The following BPNT2 variants were observed in gnomAD, a reference collection of about 807,000 sequenced individuals.
The protein encoded by BPNT2 is 3'(2'), 5'-bisphosphate nucleotidase 2, also known as Golgi-resident adenosine 3',5'-bisphosphate 3'-phosphatase.
Under a neutral mutation model 29.3 loss-of-function variants are expected in BPNT2, and 11 were observed. The ratio of observed to expected loss-of-function variants is 0.38; its 90% CI spans 0.24 to 0.62. The LOEUF is 0.62. BPNT2 is among the 20% of genes least tolerant of loss of function. The pLI, the probability that BPNT2 is intolerant of heterozygous loss-of-function variation, is 0.62. For synonymous variants in BPNT2, 195 were observed against 187.7 expected, an observed-to-expected ratio of 1.04 and a Z score of -0.32; for missense variants, 459 against 473.4, an observed-to-expected ratio of 0.97 and a Z score of 0.28.
chr8:56,966,360 G>A lies in BPNT2; in HGVS notation c.647-8C>T. On this transcript the variant is annotated splice_region_variant and splice_polypyrimidine_tract_variant and intron_variant, in intron 3 of 4. Transcript: ENST00000262644. ...CATCTACCATTGCCCAAGCTGAAAA[G>A]CAAATATAATATCCATTAATGGCAC... 6.2e-7 allele frequency: 1 copy of A among 1,612,416 alleles called. No individual in the cohort carries two copies. Among genetic ancestry groups the A allele is most frequent in the East Asian group, 2.2e-5 (1 of 44,856 alleles).
chr8:56,978,522 C>T (rs1012238910), intron 2 of BPNT2, among the ~76,000 whole-genome samples: 19 of 152,160 alleles, frequency 1.2e-4, no homozygotes, highest in African/African-American at 3.1e-4. Context: ...AAATACTATT[C>T]GACCCAGCAT....
chr8:56,963,903 T>G lies in BPNT2; in HGVS notation c.970A>C (p.Ser324Arg). The G allele has an allele frequency of 6.2e-7, 1 of 1,614,180 alleles. No individual in the cohort carries two copies. The highest frequency in any genetic ancestry group is 8.5e-7 in the Non-Finnish European group (1 of 1,180,030). The change falls in exon 5 of 5, where the codon AGT (serine) becomes CGT (arginine). Residue 324 changes from serine (S) to arginine (R), a missense_variant. By Grantham distance (110) the Ser-to-Arg change is moderately radical (BLOSUM62 -1). Transcript: ENST00000262644. Reference sequence around the variant, plus strand: ...TCAATGCCGTCTGAACCAGTGTAACTGATTTCTTCACCACTCAGGGTAGTC... The same window carrying G: ...TCAATGCCGTCTGAACCAGTGTAACGGATTTCTTCACCACTCAGGGTAGTC... The part of the protein sequence containing the change: ...HMTTLSGEEI[S>R]YTGSDGIEGG...
intron 3 of BPNT2, among the ~76,000 whole-genome samples, chr8:56,972,367 T>G (rs1325644681): frequency 1.3e-5 from 2 of 151,236 alleles, no homozygotes; most frequent in Non-Finnish European, 2.9e-5. Context: ...CACCACAGAT[T>G]GAGGTCTGTA....
At position 56,963,985 on chromosome 8, in the gene BPNT2, GATGT is replaced by G; in HGVS notation, c.884_887del (p.Tyr295SerfsTer13). 6.2e-7 allele frequency: 1 copy of G among 1,613,050 alleles called. No individual in the cohort carries two copies. The highest frequency in any genetic ancestry group is 8.5e-7 in the Non-Finnish European group (1 of 1,179,368). ...TACCAGCACATATATCCCACTTTTTGATGTATGTCACATGGATGTATAAATCAGC... is the reference window on the plus strand; with the variant it reads ...TACCAGCACATATATCCCACTTTTTGATGTCACATGGATGTATAAATCAGC... On this transcript the variant is annotated frameshift_variant, in exon 5 of 5. Transcript: ENST00000262644. LOFTEE classifies it high-confidence loss of function.
At chr8:56,966,072 G>A in intron 4 of BPNT2, 119 bp downstream of exon 4, 1 of 1,109,602 alleles carries the variant, frequency 9.0e-7, no homozygotes, top group Non-Finnish European at 1.3e-6. Context: ...AGCCTGTCTT[G>A]AAAGTACACC....
rs962070212 is a variant in BPNT2, at chr8:56,993,358, G to A, written c.228C>T (p.Arg76=). The part of the protein sequence containing the change: ...MLAVSVLAAV[R]GGDEVRRVRE... ...GGACGCGCCTCACCTCGTCGCCGCCGCGGACTGCGGCCAGCACTGACACAG... is the reference window on the plus strand; with the variant it reads ...GGACGCGCCTCACCTCGTCGCCGCCACGGACTGCGGCCAGCACTGACACAG... The change falls in exon 1 of 5, where the codon CGC becomes CGT. Residue 76 remains arginine, a synonymous_variant. Coordinates refer to ENST00000262644, the MANE Select transcript of BPNT2 (RefSeq NM_017813.5). 11 of 1,610,280 alleles carry A rather than the reference G, an allele frequency of 6.8e-6. No homozygotes were observed. The highest frequency in any genetic ancestry group is 4.4e-5 in the South Asian group (4 of 91,078).
At chr8:56,980,289 A>G (rs1806218150) in intron 1 of BPNT2, 92 bp from the exon 2 acceptor site, 2 of 978,502 alleles carry the variant, frequency 2.0e-6, no homozygotes, top group Admixed American at 1.8e-5. Flanking sequence ...AATCACCCAA[A>G]TTATAAATAA....
chr8:56,982,965 T>G (rs781347531), intron 1 of BPNT2, among the ~76,000 whole-genome samples: 33 of 152,194 alleles, frequency 2.2e-4, no homozygotes, highest in Non-Finnish European at 4.9e-4. Context: ...CCTTGCTTTG[T>G]GAAAGCATCA....
At chr8:56,989,396 C>A (rs1806375275) in intron 1 of BPNT2, among the ~76,000 whole-genome samples, 1 of 149,770 alleles carries the variant, frequency 6.7e-6, no homozygotes, top group African/African-American at 2.5e-5. Flanking sequence ...AAAAAAAATT[C>A]TAGCTGGACA....
At chr8:56,974,048 C>T (rs1205044945) in intron 3 of BPNT2, among the ~76,000 whole-genome samples, 2 of 152,050 alleles carry the variant, frequency 1.3e-5, no homozygotes, top group Admixed American at 1.3e-4. Flanking sequence ...AGGATGAAGA[C>T]CTTTAGGATA....
At position 56,959,376 on chromosome 8, in the gene BPNT2, C is replaced by A. The variant is rs1026997378; in HGVS notation, c.*4417G>T. ...AAATAAACGATTTACATAAGCAGTA[C>A]CTGGTAAAACCAAAACCTCCTTTTG... On this transcript the variant is annotated 3_prime_UTR_variant, in exon 5 of 5. Transcript: ENST00000262644. The A allele has an allele frequency of 3.3e-5, 5 of 152,168 alleles. No individual in the cohort carries two copies. The highest frequency in any genetic ancestry group is 2.1e-4 in the South Asian group (1 of 4,826). The allele number at this position is 152,168 out of a possible 1,614,324, so 9.4% of individuals were successfully genotyped here.
chr8:56,975,089 T>TC (rs1202180043), intron 3 of BPNT2, among the ~76,000 whole-genome samples: 3 of 152,208 alleles, frequency 2.0e-5, no homozygotes. Flanking sequence ...GATATTTTTT[T>TC]CCTCATACAA....
At chr8:56,974,298 T>C (rs1563407745) in intron 3 of BPNT2, among the ~76,000 whole-genome samples, 2 of 152,168 alleles carry the variant, frequency 1.3e-5, no homozygotes, top group Admixed American at 6.5e-5. Flanking sequence ...CCCTGCACTG[T>C]TCATGGGTCT....
rs1806456428 is a variant in BPNT2 at position 56,993,553 on chromosome 8, C to A, written c.33G>T (p.Leu11=). ...CCAGCAGGCAAAACACTGCCACCCC[C>A]AGTGGGGAAAGGCGGATGCCCATGG... MAPMGIRLSP[L]GVAVFCLLGL... The change falls in exon 1 of 5, where the codon CTG becomes CTT. Residue 11 remains leucine (L), a synonymous_variant. Transcript: ENST00000262644. 6.7e-7 allele frequency: 1 copy of A among 1,481,914 alleles called. No homozygotes were observed. The highest frequency in any genetic ancestry group is 2.3e-5 in the Admixed American group (1 of 42,994). 91.8% of individuals were successfully genotyped at this position (1,481,914 alleles called of 1,614,324 possible). A position where few individuals can be genotyped will look rare whatever the true frequency, so the allele number is the denominator to read the frequency against.
chr8:56,965,605 CTG>C (rs1805931285), intron 4 of BPNT2, among the ~76,000 whole-genome samples: 1 of 152,262 alleles, frequency 6.6e-6, no homozygotes, highest in East Asian at 1.9e-4. Flanking sequence ...GCAACAGAGA[CTG>C]TATATATATG....
Position 56,969,585 on chromosome 8 carries a change from C to CA in BPNT2, c.647-3234dup, listed in dbSNP as rs35617693. Among the ~76,000 whole-genome samples, 751 of 149,662 alleles carry CA rather than the reference C, an allele frequency of 5.0e-3. 7 individuals are homozygous for CA. The highest frequency in any genetic ancestry group is 0.017 in the African/African-American group (699 of 40,902). ...AACAGCAGAGTCGAAAAGTAAACAT[C>CA]AAAAAAAAACAACTGTCTAAAATGA... On this transcript the variant is annotated intron_variant, in intron 3 of 4. Transcript: ENST00000262644.
At chr8:56,975,679 AAT>A (rs1806120043) in intron 3 of BPNT2, among the ~76,000 whole-genome samples, 2 of 152,156 alleles carry the variant, frequency 1.3e-5, no homozygotes, top group African/African-American at 4.8e-5. Context: ...AAAAAAAGAT[AAT>A]GTCTTTCCTT....
intron 3 of BPNT2, among the ~76,000 whole-genome samples, chr8:56,970,531 T>G (rs916429614): frequency 5.3e-5 from 8 of 152,212 alleles, no homozygotes; most frequent in Non-Finnish European, 1.0e-4. Context: ...CTTAACAACC[T>G]ATCAACCAAA....
In BPNT2 at chr8:56,962,403, C is replaced by A. The variant is rs1318454133; in HGVS notation, c.*1390G>T. 6.6e-6 allele frequency: 1 copy of A among 152,066 alleles called. No homozygotes were observed. Among genetic ancestry groups the A allele is most frequent in the Admixed American group, 6.6e-5 (1 of 15,266 alleles). 9.4% of individuals were successfully genotyped at this position (152,066 alleles called of 1,614,324 possible). ...GCTGCTTTATGGTTAAAAAATTTAGCAAAGAAAGAAACCGTGAGAAATCCC... is the reference window on the plus strand; with the variant it reads ...GCTGCTTTATGGTTAAAAAATTTAGAAAAGAAAGAAACCGTGAGAAATCCC... On this transcript the variant is annotated 3_prime_UTR_variant, in exon 5 of 5. Coordinates refer to ENST00000262644, the MANE Select transcript of BPNT2 (RefSeq NM_017813.5).
Sources: allele counts gnomAD v4.1 joint callset (sites outside exome capture counted in the v4.1 genomes callset), GRCh38; gene constraint gnomAD v4.1.1; transcripts MANE v1.5; gene names NCBI Gene and HGNC (gene_info 2026-07-23, HGNC 2026-07-21).